The following TNRC6B variants were observed in gnomAD, a reference collection of about 807,000 sequenced individuals.
TNRC6B encodes trinucleotide repeat containing adaptor 6B.
In TNRC6B, 52 loss-of-function variants were observed where a neutral mutation model predicts 203.6. The observed-to-expected ratio is 0.26, with a 90% CI of 0.20 to 0.32. The LOEUF is 0.32. Among genes scored for constraint, TNRC6B ranks in the 10% least tolerant of loss-of-function variants. The pLI is 1.00. For synonymous variants in TNRC6B, 838 were observed against 845.7 expected, an observed-to-expected ratio of 0.99 and a Z score of 0.16; for missense variants, 1,923 against 2,286.2, an observed-to-expected ratio of 0.84 and a Z score of 3.24.
chr22:40,170,140 T>C (rs1194845140), intron 4 of TNRC6B, among the ~76,000 whole-genome samples: 1 of 149,968 alleles, frequency 6.7e-6, no homozygotes, highest in Non-Finnish European at 1.5e-5. Context: ...TAGCTGTGCA[T>C]GGTGGCACAC....
intron 1 of TNRC6B, among the ~76,000 whole-genome samples, chr22:40,046,596 C>G (rs2067689779): frequency 6.7e-6 from 1 of 149,390 alleles, no homozygotes; most frequent in Non-Finnish European, 1.5e-5. Flanking sequence ...TTCCCTCATT[C>G]AAATGGAAGC....
At chr22:40,177,204 G>A (rs1448011780), upstream of TNRC6B, among the ~76,000 whole-genome samples, 1 of 152,142 alleles carries the variant, frequency 6.6e-6, no homozygotes, top group Non-Finnish European at 1.5e-5. Flanking sequence ...CTCCTGCGGT[G>A]GGGGAGGGGA....
At chr22:40,056,680 C>T (rs892140949) in intron 1 of TNRC6B, among the ~76,000 whole-genome samples, 3 of 151,800 alleles carry the variant, frequency 2.0e-5, no homozygotes, top group African/African-American at 4.8e-5. Flanking sequence ...TGCCTGTAGT[C>T]CTAGCTACTC....
chr22:40,056,257 G>A (rs2067794770), intron 1 of TNRC6B, among the ~76,000 whole-genome samples: 1 of 152,192 alleles, frequency 6.6e-6, no homozygotes, highest in Non-Finnish European at 1.5e-5. Flanking sequence ...TTTTTCAAAT[G>A]GGAAGAAGTG....
At chr22:40,217,703 G>A (rs1390282478) in intron 1 of TNRC6B, among the ~76,000 whole-genome samples, 5 of 152,024 alleles carry the variant, frequency 3.3e-5, no homozygotes, top group Non-Finnish European at 4.4e-5. Context: ...GGCCTGGTGC[G>A]GTGGCTCACA....
At chr22:40,134,689 G>C (rs1042840542) in intron 3 of TNRC6B, among the ~76,000 whole-genome samples, 3 of 152,104 alleles carry the variant, frequency 2.0e-5, no homozygotes, top group Non-Finnish European at 4.4e-5. Flanking sequence ...TGTTCTGCAC[G>C]TGTATCCCAG....
Position 40,312,532 on chromosome 22 carries a change from G to A in TNRC6B, c.4463G>A (p.Gly1488Asp). 1 of 1,613,138 alleles carries A rather than the reference G, an allele frequency of 6.2e-7. No homozygotes were observed. The highest frequency in any genetic ancestry group is 8.5e-7 in the Non-Finnish European group (1 of 1,179,700). ...PEFQPGVPWK[G>D]IQNIDPESDP... ...TTCCAACCAGGAGTGCCATGGAAAG[G>A]TATCCAAAACATTGACCCTGAATCT... is the stretch of plus-strand genomic sequence containing the variant. The change falls in exon 18 of 23, where the codon GGT (glycine) becomes GAT (aspartate). Residue 1488 changes from glycine (G) to aspartate (D), a missense_variant. By Grantham distance (94) the Gly-to-Asp change is moderately conservative (BLOSUM62 -1). Around this residue, in one of 8 missense-constraint regions of TNRC6B, gnomAD observed 242 missense variants for 399.5 expected, o/e 0.61. Coordinates refer to ENST00000454349, the MANE Select transcript of TNRC6B (RefSeq NM_001162501.2).
At chr22:40,318,114 A>G (rs1403301778) in intron 21 of TNRC6B, among the ~76,000 whole-genome samples, 4 of 152,112 alleles carry the variant, frequency 2.6e-5, no homozygotes, top group African/African-American at 9.7e-5. Flanking sequence ...TCCTAAATAC[A>G]TTTGCCCATT....
At chr22:40,113,841 C>T (rs778107707) in intron 1 of TNRC6B, among the ~76,000 whole-genome samples, 18 of 152,156 alleles carry the variant, frequency 1.2e-4, no homozygotes, top group Non-Finnish European at 2.4e-4. Flanking sequence ...GTGTTGTGCT[C>T]CTCCCTCACA....
intron 1 of TNRC6B, among the ~76,000 whole-genome samples, chr22:40,198,647 A>G (rs1266764185): frequency 6.6e-6 from 1 of 152,132 alleles, no homozygotes; most frequent in South Asian, 2.1e-4. Flanking sequence ...CTGTTGAAGA[A>G]CATTACAGAT....
intron 12 of TNRC6B, among the ~76,000 whole-genome samples, chr22:40,300,203 A>T (rs1466104157): frequency 6.6e-6 from 1 of 152,184 alleles, no homozygotes; most frequent in Non-Finnish European, 1.5e-5. Flanking sequence ...TTTCCTGAAT[A>T]TAAAATTTAT....
At chr22:40,170,889 A>C (rs1438089228) in intron 4 of TNRC6B, among the ~76,000 whole-genome samples, 5 of 138,320 alleles carry the variant, frequency 3.6e-5, no homozygotes, top group African/African-American at 1.4e-4. Flanking sequence ...GTGTGTATAC[A>C]TATATACCTA....
chr22:40,082,868 GT>G (rs1039985510), intron 1 of TNRC6B, among the ~76,000 whole-genome samples: 3 of 152,214 alleles, frequency 2.0e-5, no homozygotes, highest in Admixed American at 2.0e-4. Flanking sequence ...ATTTACTCAA[GT>G]AGATGGAATG....
At chr22:40,118,400 T>C (rs1156406567) in intron 2 of TNRC6B, among the ~76,000 whole-genome samples, 15 of 152,122 alleles carry the variant, frequency 9.9e-5, no homozygotes, top group Non-Finnish European at 5.9e-5. Context: ...TGGATGAAAA[T>C]ATCAGGATTA....
chr22:40,082,401 C>A (rs978371919), intron 1 of TNRC6B, among the ~76,000 whole-genome samples: 2 of 152,042 alleles, frequency 1.3e-5, no homozygotes, highest in African/African-American at 4.8e-5. Flanking sequence ...CATAGGAGAG[C>A]AAGTCTTAGC....
chr22:40,193,276 C>G (rs2069297137), intron 1 of TNRC6B, among the ~76,000 whole-genome samples: 1 of 152,140 alleles, frequency 6.6e-6, no homozygotes, highest in Admixed American at 6.5e-5. Flanking sequence ...CAGCGTCACC[C>G]CAGGACTTGC....
intron 1 of TNRC6B, among the ~76,000 whole-genome samples, chr22:40,047,288 G>T (rs562202134): frequency 6.6e-6 from 1 of 152,106 alleles, no homozygotes; most frequent in South Asian, 2.1e-4. Flanking sequence ...TGATGATTAG[G>T]TTGCCCATAC....
intron 3 of TNRC6B, among the ~76,000 whole-genome samples, chr22:40,152,478 C>T (rs183573726): frequency 0.013 from 1,962 of 152,278 alleles, 43 homozygotes; most frequent in African/African-American, 0.046. Flanking sequence ...AGGTGCCCAC[C>T]ACCACGCCCG....
intron 1 of TNRC6B, among the ~76,000 whole-genome samples, chr22:40,180,379 G>T (rs534587990): frequency 1.3e-5 from 2 of 152,324 alleles, no homozygotes; most frequent in African/African-American, 4.8e-5. Flanking sequence ...AATTCAGTTT[G>T]CAGAGAGGAG....
Sources: allele counts gnomAD v4.1 joint callset (sites outside exome capture counted in the v4.1 genomes callset), GRCh38; gene constraint gnomAD v4.1.1; regional missense constraint gnomAD v4.1.1; transcripts MANE v1.5; gene names NCBI Gene and HGNC (gene_info 2026-07-23, HGNC 2026-07-21).